THAP5: variants seen among roughly 807,000 people sequenced by gnomAD.
THAP5 encodes the protein THAP domain containing 5.
Under a neutral mutation model 34.0 loss-of-function variants are expected in THAP5, and 26 were observed. The ratio of observed to expected loss-of-function variants is 0.77; its 90% CI spans 0.56 to 1.06. The LOEUF (loss-of-function observed/expected upper bound fraction) is 1.06. Among genes scored for constraint, THAP5 ranks in the 50% least tolerant of loss-of-function variants. The pLI is 0.00. For synonymous variants in THAP5, 125 were observed against 153.0 expected (o/e 0.82, Z 1.35); for missense variants, 394 against 452.8 (o/e 0.87, Z 1.18).
At chr7:108,565,798 C>T (rs752007412) in intron 2 of THAP5, 32 bp downstream of exon 2, 34 of 1,476,722 alleles carry the variant, frequency 2.3e-5, no homozygotes, top group Non-Finnish European at 3.6e-6. Flanking sequence ...TGCCACTCTG[C>T]TCAGCATTAC....
At chr7:108,561,941 G>T (rs1864437065), downstream of THAP5, among the ~76,000 whole-genome samples, 1 of 152,202 alleles carries the variant, frequency 6.6e-6, no homozygotes, top group African/African-American at 2.4e-5. Context: ...CAGAAAGTCA[G>T]AGTAAGGATG....
At chr7:108,552,311 T>A (rs945487119), downstream of THAP5, among the ~76,000 whole-genome samples, 2 of 152,148 alleles carry the variant, frequency 1.3e-5, no homozygotes, top group African/African-American at 4.8e-5. Flanking sequence ...ATTCCAGAGG[T>A]ATCTGTTGAT....
chr7:108,563,164 T>C lies in THAP5; in HGVS notation c.*1027A>G, dbSNP rs1790394248. On this transcript the variant is annotated 3_prime_UTR_variant, in exon 3 of 3. Coordinates refer to ENST00000415914, the MANE Select transcript of THAP5 (RefSeq NM_001130475.3). ...ATATAAGTTACCGAAATACATATTC[T>C]TTCAAGTTTGAAGTACCTCTCCTAA... 1 of 152,218 alleles carries C rather than the reference T, an allele frequency of 6.6e-6. No homozygotes were observed. Among genetic ancestry groups the C allele is most frequent in the South Asian group, 2.1e-4 (1 of 4,832 alleles). 9.4% of individuals were successfully genotyped at this position (152,218 alleles called of 1,614,324 possible).
chr7:108,562,005 A>G (rs1564009261), downstream of THAP5, among the ~76,000 whole-genome samples: 4 of 152,232 alleles, frequency 2.6e-5, no homozygotes, highest in Admixed American at 2.0e-4. Context: ...TCTGCAGTAC[A>G]CTTAACAGCT....
downstream of THAP5, among the ~76,000 whole-genome samples, chr7:108,551,897 G>A (rs1864355905): frequency 6.6e-6 from 1 of 152,164 alleles, no homozygotes; most frequent in Non-Finnish European, 1.5e-5. Context: ...TGGCTTAGCT[G>A]GACCCAGTTG....
chr7:108,559,841 A>G (rs1037530788), downstream of THAP5, among the ~76,000 whole-genome samples: 3 of 152,134 alleles, frequency 2.0e-5, no homozygotes, highest in African/African-American at 7.2e-5. Context: ...TGAGAACAGC[A>G]TGGGGAAAAC....
At chr7:108,549,536 A>G in the THAP5 span, among the ~76,000 whole-genome samples, 1 of 152,212 alleles carries the variant, frequency 6.6e-6, no homozygotes, top group Admixed American at 6.5e-5. Context: ...ACCCAACCAC[A>G]AACATGAGCA....
Position 108,569,673 on chromosome 7 carries a change from G to C in THAP5, c.-104C>G. 3.5e-6 allele frequency: 5 copies of C among 1,433,782 alleles called. No homozygotes were observed. The South Asian group carries it at 3.7e-5, about 11-fold the overall frequency. The allele number at this position is 1,433,782 out of a possible 1,614,324, so 88.8% of individuals were successfully genotyped here. A position where few individuals can be genotyped will look rare whatever the true frequency, so the allele number is the denominator to read the frequency against. ...CCAGGCCTCTCGAGCCCCTGCGCCT[G>C]CGCTAGCATTCTGCCGGGAAAGCCG... is the stretch of plus-strand genomic sequence containing the variant. On this transcript the variant is annotated 5_prime_UTR_variant, in exon 1 of 3. Coordinates refer to ENST00000415914, the MANE Select transcript of THAP5 (RefSeq NM_001130475.3).
rs868258758 is a variant in THAP5, at chr7:108,566,132, T to C, written c.81-110A>G. ...GGTAACCTATGCATCAAGTAAGTAC[T>C]ACAAGAGGAAGGCAACCATCCCTAC... On this transcript the variant is annotated intron_variant, in intron 1 of 2. Coordinates refer to ENST00000415914, the MANE Select transcript of THAP5 (RefSeq NM_001130475.3). 1.9e-5 allele frequency: 16 copies of C among 862,752 alleles called. No homozygotes were observed. In the Admixed American group the frequency reaches 4.1e-4, roughly 22 times the overall value. 53.4% of individuals were successfully genotyped at this position (862,752 alleles called of 1,614,324 possible). A position where few individuals can be genotyped will look rare whatever the true frequency, so the allele number is the denominator to read the frequency against.
intron 1 of THAP5, among the ~76,000 whole-genome samples, chr7:108,566,507 AATAAG>A (rs1017430236): frequency 1.1e-4 from 16 of 152,330 alleles, no homozygotes; most frequent in African/African-American, 3.8e-4. Context: ...ATATTTAAAA[AATAAG>A]ATGTTATTTC....
chr7:108,565,097 G>T lies in THAP5; in HGVS notation c.282C>A (p.Asp94Glu), dbSNP rs1790457315. The change falls in exon 3 of 3, where the codon GAC (aspartate) becomes GAA (glutamate). Residue 94 changes from aspartate (D) to glutamate (E), a missense_variant. Transcript: ENST00000415914. ...TCTTCTGGGATTTTTTTTTAGAAGGGTCTTTTCCCTAGAAAATAATATTTT... is the reference window on the plus strand; with the variant it reads ...TCTTCTGGGATTTTTTTTTAGAAGGTTCTTTTCCCTAGAAAATAATATTTT... ...FSLPEDNQGK[D>E]PSKKKSQKKN... 1.3e-6 allele frequency: 2 copies of T among 1,502,704 alleles called. No homozygotes were observed. The highest frequency in any genetic ancestry group is 2.6e-5 in the Admixed American group (1 of 38,594). The allele number at this position is 1,502,704 out of a possible 1,614,324, so 93.1% of individuals were successfully genotyped here. A position where few individuals can be genotyped will look rare whatever the true frequency, so the allele number is the denominator to read the frequency against.
At chr7:108,544,396 TGGC>T in the THAP5 span, among the ~76,000 whole-genome samples, 1 of 151,760 alleles carries the variant, frequency 6.6e-6, no homozygotes, top group Non-Finnish European at 1.5e-5. Flanking sequence ...CTGGGCATGG[TGGC>T]AGGCGCCTGT....
the THAP5 span, among the ~76,000 whole-genome samples, chr7:108,542,587 T>C: frequency 2.0e-5 from 3 of 151,480 alleles, no homozygotes; most frequent in Non-Finnish European, 4.4e-5. Context: ...CTCAGCCTCC[T>C]GAGTAGCTGG....
the THAP5 span, among the ~76,000 whole-genome samples, chr7:108,541,954 T>C: frequency 3.2e-4 from 49 of 152,218 alleles, 1 homozygote; most frequent in African/African-American, 1.2e-3. Context: ...TGTGAAGATG[T>C]TTTTCTTTTC....
At chr7:108,552,172 T>C (rs1471654973), downstream of THAP5, among the ~76,000 whole-genome samples, 1 of 152,188 alleles carries the variant, frequency 6.6e-6, no homozygotes, top group Non-Finnish European at 1.5e-5. Flanking sequence ...CTTTAGAGAA[T>C]AAACTTCCAA....
chr7:108,565,296 T>C lies in THAP5; in HGVS notation c.274-191A>G, dbSNP rs138984692. 1,621 of 444,816 alleles carry C rather than the reference T, an allele frequency of 3.6e-3. 28 individuals are homozygous for C. Among genetic ancestry groups the C allele is most frequent in the African/African-American group, 0.029 (1,442 of 49,642 alleles). The allele number at this position is 444,816 out of a possible 1,614,324, so 27.6% of individuals were successfully genotyped here. ...TCCCATTCAATATACGGCAGAAACA[T>C]TTCAGATCATTCAAAAGACTAGTAT... is the stretch of plus-strand genomic sequence containing the variant. On this transcript the variant is annotated intron_variant, in intron 2 of 2. Transcript: ENST00000415914.
downstream of THAP5, among the ~76,000 whole-genome samples, chr7:108,560,508 T>C (rs181816491): frequency 6.6e-6 from 1 of 152,274 alleles, no homozygotes; most frequent in Non-Finnish European, 1.5e-5. Context: ...CAAGGTCCAG[T>C]TGGATCCCTC....
intron 1 of THAP5, chr7:108,569,232 C>G: frequency 7.3e-7 from 1 of 1,368,728 alleles, no homozygotes; most frequent in Non-Finnish European, 9.4e-7. Context: ...CCACAGAAGC[C>G]CGCGCAAACT....
downstream of THAP5, among the ~76,000 whole-genome samples, chr7:108,553,481 C>T (rs1864366511): frequency 2.6e-5 from 4 of 152,210 alleles, no homozygotes; most frequent in Admixed American, 2.0e-4. Flanking sequence ...GTCCAGGAAC[C>T]TTTATTTGTA....
Sources: gnomAD v4.1 joint callset for allele counts (sites outside exome capture counted in the v4.1 genomes callset) on GRCh38, gnomAD v4.1.1 for gene constraint, MANE v1.5 for transcripts, NCBI Gene and HGNC (gene_info 2026-07-23, HGNC 2026-07-21) for gene names.